Variants in ETF1 observed in about 807,000 individuals in gnomAD.
The protein encoded by ETF1 is eukaryotic peptide chain release factor subunit 1.
A neutral mutation model predicts 55.1 loss-of-function variants in ETF1; 4 were observed. The ratio of observed to expected loss-of-function variants is 0.07; its 90% CI spans 0.04 to 0.17. The LOEUF (loss-of-function observed/expected upper bound fraction) is 0.17. Among genes scored for constraint, ETF1 ranks in the 10% least tolerant of loss-of-function variants. The pLI is 1.00. For synonymous variants in ETF1, 157 were observed against 182.3 expected (o/e 0.86, Z 1.12); for missense variants, 142 against 523.6 (o/e 0.27, Z 7.11).
intron 2 of ETF1, among the ~76,000 whole-genome samples, chr5:138,526,647 C>T (rs1168774935): frequency 1.3e-5 from 2 of 152,130 alleles, no homozygotes; most frequent in Non-Finnish European, 2.9e-5. Flanking sequence ...AGCAATTCTC[C>T]TGCCTCAGCC....
intron 9 of ETF1, among the ~76,000 whole-genome samples, chr5:138,509,395 T>C (rs1764675162): frequency 6.6e-6 from 1 of 152,238 alleles, no homozygotes; most frequent in Non-Finnish European, 1.5e-5. Flanking sequence ...TTCCTCCCTA[T>C]TAAATTTCAA....
At chr5:138,528,035 G>C (rs1004108676) in intron 2 of ETF1, among the ~76,000 whole-genome samples, 38 of 152,164 alleles carry the variant, frequency 2.5e-4, no homozygotes, top group Non-Finnish European at 5.4e-4. Flanking sequence ...GCCTCCCAAA[G>C]TGCTAGGATT....
rs57032066 is a variant in ETF1, at chr5:138,512,259, T to TATATATA, written c.732+504_732+505insTATATAT. ...ATATATATATATATATATATATATA[T>TATATATA]TTTTTTTTTTTTTTAAAGGCAATTT... On this transcript the variant is annotated intron_variant, in intron 6 of 10. Coordinates refer to ENST00000360541, the MANE Select transcript of ETF1 (RefSeq NM_004730.4). 5.9e-3 allele frequency among the ~76,000 whole-genome samples: 93 copies of TATATATA among 15,750 alleles called. 1 individual carries two copies. The highest frequency in any genetic ancestry group is 0.012 in the African/African-American group (41 of 3,432). 10.3% of individuals were successfully genotyped at this position (15,750 alleles called of 152,430 possible).
At chr5:138,513,508 A>G (rs1288993639) in intron 5 of ETF1, 60 bp downstream of exon 5, 4 of 1,425,582 alleles carry the variant, frequency 2.8e-6, no homozygotes, top group African/African-American at 1.4e-5. Context: ...CCGGCCCACC[A>G]TACTGTTTTC....
intron 2 of ETF1, 58 bp downstream of exon 2, chr5:138,542,775 C>T: frequency 6.3e-7 from 1 of 1,598,210 alleles, no homozygotes; most frequent in Non-Finnish European, 8.5e-7. Context: ...GCGGGGGCGT[C>T]CATCCTGAGG....
At chr5:138,524,418 T>C (rs1765370257) in intron 2 of ETF1, among the ~76,000 whole-genome samples, 2 of 151,658 alleles carry the variant, frequency 1.3e-5, no homozygotes, top group South Asian at 2.1e-4. Flanking sequence ...GCAAGTATGG[T>C]GGTATGTGCC....
intron 9 of ETF1, among the ~76,000 whole-genome samples, chr5:138,509,803 G>T (rs1320988432): frequency 6.7e-6 from 1 of 149,632 alleles, no homozygotes; most frequent in Admixed American, 6.8e-5. Context: ...GCTGAGGCAG[G>T]AGAATTGCTT....
At chr5:138,530,469 G>A (rs1765652749) in intron 2 of ETF1, among the ~76,000 whole-genome samples, 1 of 151,914 alleles carries the variant, frequency 6.6e-6, no homozygotes, top group Admixed American at 6.6e-5. Context: ...GTAGTGATGG[G>A]GTTTTGCCAT....
chr5:138,528,439 A>G (rs1268050148), intron 2 of ETF1, among the ~76,000 whole-genome samples: 1 of 152,250 alleles, frequency 6.6e-6, no homozygotes, highest in Non-Finnish European at 1.5e-5. Context: ...CCAGTTGGGC[A>G]ACCTTACATT....
chr5:138,522,406 T>A (rs1293943126), intron 2 of ETF1, among the ~76,000 whole-genome samples: 2 of 152,122 alleles, frequency 1.3e-5, no homozygotes, highest in African/African-American at 4.8e-5. Context: ...CTGTTGGGAA[T>A]GTTAAGTGGT....
chr5:138,542,803 G>GTGC, intron 2 of ETF1, 30 bp downstream of exon 2: 1 of 1,610,026 alleles, frequency 6.2e-7, no homozygotes, highest in South Asian at 1.1e-5. Flanking sequence ...GAACCAAGAG[G>GTGC]GCACGGAGGG....
intron 2 of ETF1, among the ~76,000 whole-genome samples, chr5:138,522,399 T>C (rs1392327487): frequency 1.3e-5 from 2 of 152,074 alleles, no homozygotes; most frequent in Non-Finnish European, 1.5e-5. Context: ...TTCAATGCTG[T>C]TGGGAATGTT....
intron 2 of ETF1, among the ~76,000 whole-genome samples, chr5:138,534,403 AGT>A (rs1765829815): frequency 6.6e-6 from 1 of 152,240 alleles, no homozygotes; most frequent in Non-Finnish European, 1.5e-5. Flanking sequence ...TTCTTACAAC[AGT>A]GCAAAGCAAG....
chr5:138,512,914 T>C lies in ETF1; in HGVS notation c.582A>G (p.Arg194=), dbSNP rs768964754. The C allele has an allele frequency of 2.6e-6, 4 of 1,562,814 alleles. No individual in the cohort carries two copies. Among genetic ancestry groups the C allele is most frequent in the East Asian group, 4.9e-5 (2 of 40,560 alleles). The part of the protein sequence containing the change: ...GQSALRFARL[R]MEKRHNYVRK... The stretch of plus-strand genomic sequence containing the variant: ...GAACATAGTTATGTCGCTTTTCCAT[T>C]CTTAAACGGGCAAAACGCAAGGCTG... Residue 194 remains arginine (R), a synonymous_variant, in exon 6 of 11, where the codon AGA becomes AGG. Coordinates refer to ENST00000360541, the MANE Select transcript of ETF1 (RefSeq NM_004730.4).
intron 2 of ETF1, among the ~76,000 whole-genome samples, chr5:138,527,936 C>T (rs1044142533): frequency 7.9e-5 from 12 of 152,124 alleles, no homozygotes; most frequent in African/African-American, 2.4e-4. Context: ...CTACGCCTGA[C>T]TAATTTTGTA....
rs1182777427 is a variant in ETF1 at position 138,508,880 on chromosome 5, T to C, written c.1084-64A>G. On this transcript the variant is annotated intron_variant, in intron 9 of 10. Transcript: ENST00000360541. Reference sequence around the variant, plus strand: ...GGATATATGAAGGCTAATTAGTCCCTCTCACAGCCCCTTGCCCACCTATCA... The same window carrying C: ...GGATATATGAAGGCTAATTAGTCCCCCTCACAGCCCCTTGCCCACCTATCA... 34 of 1,567,160 alleles carry C rather than the reference T, an allele frequency of 2.2e-5. No homozygotes were observed. In the East Asian group the frequency reaches 3.6e-4, roughly 17 times the overall value.
At chr5:138,522,215 C>T (rs1765262962) in intron 2 of ETF1, among the ~76,000 whole-genome samples, 1 of 151,904 alleles carries the variant, frequency 6.6e-6, no homozygotes, top group African/African-American at 2.4e-5. Context: ...AAAAGACCCA[C>T]AGAATGGGAG....
At chr5:138,530,542 T>C (rs2127114297) in intron 2 of ETF1, among the ~76,000 whole-genome samples, 1 of 150,104 alleles carries the variant, frequency 6.7e-6, no homozygotes, top group African/African-American at 2.5e-5. Flanking sequence ...TCTCCCAAAG[T>C]GTTGGGATTA....
chr5:138,509,747 TAGTC>T (rs904036492), intron 9 of ETF1, among the ~76,000 whole-genome samples: 7 of 151,580 alleles, frequency 4.6e-5, no homozygotes, highest in Non-Finnish European at 1.0e-4. Flanking sequence ...ATACAAAAAT[TAGTC>T]AGGCGTGGTG....
Sources: allele counts gnomAD v4.1 joint callset (sites outside exome capture counted in the v4.1 genomes callset), GRCh38; gene constraint gnomAD v4.1.1; transcripts MANE v1.5; gene names NCBI Gene and HGNC (gene_info 2026-07-23, HGNC 2026-07-21).